MAST4: variants seen among roughly 807,000 people sequenced by gnomAD.
MAST4 encodes microtubule-associated serine/threonine-protein kinase 4.
In MAST4, 89 loss-of-function variants were observed where a neutral mutation model predicts 162.7. The observed-to-expected ratio is 0.55, with a 90% CI of 0.46 to 0.65. The LOEUF is 0.65. Among genes scored for constraint, MAST4 ranks in the 30% least tolerant of loss-of-function variants. The pLI is 0.00. For synonymous variants in MAST4, 1,479 were observed against 1,361.1 expected, an observed-to-expected ratio of 1.09 and a Z score of -1.91; for missense variants, 3,153 against 3,374.0, an observed-to-expected ratio of 0.93 and a Z score of 1.62.
intron 4 of MAST4, among the ~76,000 whole-genome samples, chr5:66,952,059 G>A (rs944534841): frequency 4.6e-5 from 7 of 152,070 alleles, no homozygotes; most frequent in African/African-American, 1.7e-4. Flanking sequence ...TTGTTCATGT[G>A]GAGCATATCC....
chr5:66,899,882 C>G, intron 3 of MAST4, 69 bp from the exon 4 acceptor site: 3 of 1,217,220 alleles, frequency 2.5e-6, no homozygotes, highest in Non-Finnish European at 3.4e-6. Context: ...TCTACGTTAT[C>G]CATTTGGTAT....
intron 4 of MAST4, among the ~76,000 whole-genome samples, chr5:66,951,824 T>C (rs1167375069): frequency 6.6e-6 from 1 of 152,196 alleles, no homozygotes. Context: ...GCACTTTCTA[T>C]GTTATCAAAC....
At chr5:66,921,197 G>T (rs1363253095) in intron 4 of MAST4, among the ~76,000 whole-genome samples, 1 of 152,116 alleles carries the variant, frequency 6.6e-6, no homozygotes, top group Non-Finnish European at 1.5e-5. Flanking sequence ...ATCAACTAAG[G>T]TTATGTTAGA....
At chr5:66,909,159 A>G (rs1184343723) in intron 4 of MAST4, among the ~76,000 whole-genome samples, 1 of 152,086 alleles carries the variant, frequency 6.6e-6, no homozygotes, top group African/African-American at 2.4e-5. Flanking sequence ...TTCCATTTCC[A>G]TGAAGAGGTG....
chr5:66,791,025 T>C (rs1274414962), intron 3 of MAST4, among the ~76,000 whole-genome samples: 1 of 152,184 alleles, frequency 6.6e-6, no homozygotes, highest in Non-Finnish European at 1.5e-5. Flanking sequence ...ATATATCTTC[T>C]TTTTGTTTGT....
rs531263386 is a variant in MAST4 at position 66,710,574 on chromosome 5, A to G, written c.364-49135A>G. ...TATTCTACTTTTGTTATATAAAATA[A>G]TAGGCTGATTTTTTGGGGGAAAAAT... On this transcript the variant is annotated intron_variant, in intron 1 of 28. Coordinates refer to ENST00000403625, the MANE Select transcript of MAST4 (RefSeq NM_001164664.2). Among the ~76,000 whole-genome samples, 6 of 152,296 alleles carry G rather than the reference A, an allele frequency of 3.9e-5. No homozygotes were observed. The East Asian group carries it at 9.6e-4, about 24-fold the overall frequency.
chr5:66,719,940 G>A lies in MAST4; in HGVS notation c.364-39769G>A, dbSNP rs573028753. 4.6e-5 allele frequency among the ~76,000 whole-genome samples: 7 copies of A among 152,278 alleles called. No individual in the cohort carries two copies. The South Asian group carries it at 6.2e-4, about 14-fold the overall frequency. ...TACCATTACCTCCTTTGAGGAGAGG[G>A]AAGAGTTATCCTTATAGAGAGTTAT... On this transcript the variant is annotated intron_variant, in intron 1 of 28. Coordinates refer to ENST00000403625, the MANE Select transcript of MAST4 (RefSeq NM_001164664.2).
intron 1 of MAST4, among the ~76,000 whole-genome samples, chr5:66,643,128 T>C (rs1317657707): frequency 6.6e-6 from 1 of 152,208 alleles, no homozygotes; most frequent in Admixed American, 6.5e-5. Flanking sequence ...TTGTCAGTTA[T>C]CTGACATTAT....
At chr5:67,120,439 C>G (rs1174307660) in intron 13 of MAST4, among the ~76,000 whole-genome samples, 2 of 152,152 alleles carry the variant, frequency 1.3e-5, no homozygotes, top group Non-Finnish European at 2.9e-5. Flanking sequence ...GCATTTTTTT[C>G]TATTCCCATC....
At chr5:67,094,534 G>C (rs1764218410) in intron 6 of MAST4, among the ~76,000 whole-genome samples, 1 of 152,074 alleles carries the variant, frequency 6.6e-6, no homozygotes, top group Non-Finnish European at 1.5e-5. Flanking sequence ...AAAATGCAAT[G>C]TTGCTTTTTT....
At chr5:66,913,671 C>T (rs1407758795) in intron 4 of MAST4, among the ~76,000 whole-genome samples, 2 of 152,146 alleles carry the variant, frequency 1.3e-5, no homozygotes, top group African/African-American at 4.8e-5. Context: ...TTAATTCGTT[C>T]TTTAAATGCT....
intron 1 of MAST4, among the ~76,000 whole-genome samples, chr5:66,677,035 G>A (rs1177686246): frequency 2.0e-5 from 3 of 152,148 alleles, no homozygotes; most frequent in African/African-American, 4.8e-5. Context: ...TTTGCAGCCT[G>A]CATGATCACC....
chr5:66,891,783 T>C lies in MAST4; in HGVS notation c.643-8168T>C, dbSNP rs80045644. On this transcript the variant is annotated intron_variant, in intron 3 of 28. Coordinates refer to ENST00000403625, the MANE Select transcript of MAST4 (RefSeq NM_001164664.2). ...GCAAAAGAAAGACCAGGCTCAAGTA[T>C]TGTGTCACTTAGGAATTTTTGAATT... 9.2e-5 allele frequency among the ~76,000 whole-genome samples: 14 copies of C among 152,356 alleles called. 1 individual carries two copies. In the East Asian group the frequency reaches 2.5e-3, roughly 27 times the overall value.
chr5:66,835,196 G>A (rs1757878290), intron 3 of MAST4, among the ~76,000 whole-genome samples: 1 of 152,144 alleles, frequency 6.6e-6, no homozygotes, highest in Admixed American at 6.5e-5. Context: ...CATCCATTAT[G>A]TTGTGCCCTG....
chr5:66,826,131 C>T (rs942668326), intron 3 of MAST4, among the ~76,000 whole-genome samples: 1 of 152,004 alleles, frequency 6.6e-6, no homozygotes, highest in Admixed American at 6.6e-5. Context: ...TTTTCAGCAG[C>T]CTTTCATTTT....
chr5:66,788,628 G>C (rs1406072105), intron 2 of MAST4, 42 bp from the exon 3 acceptor site: 3 of 713,072 alleles, frequency 4.2e-6, no homozygotes, highest in Non-Finnish European at 6.5e-6. Context: ...GACTACTACC[G>C]GCTGCCTGTC....
chr5:67,041,543 TA>T (rs765231680), intron 4 of MAST4, among the ~76,000 whole-genome samples: 16 of 152,254 alleles, frequency 1.1e-4, no homozygotes, highest in Non-Finnish European at 2.1e-4. Flanking sequence ...CCAAGATTTA[TA>T]AAGCACTTGC....
intron 1 of MAST4, among the ~76,000 whole-genome samples, chr5:66,732,676 C>T (rs1751927810): frequency 1.3e-5 from 2 of 152,182 alleles, no homozygotes; most frequent in African/African-American, 4.8e-5. Context: ...GATGCATACT[C>T]CATCTGCAAA....
At chr5:66,625,379 G>C (rs554630882) in intron 1 of MAST4, among the ~76,000 whole-genome samples, 13 of 152,146 alleles carry the variant, frequency 8.5e-5, no homozygotes, top group Non-Finnish European at 1.5e-4. Flanking sequence ...GTAAATGCTG[G>C]CCTGTTACCC....
Sources: allele counts gnomAD v4.1 joint callset (sites outside exome capture counted in the v4.1 genomes callset), GRCh38; gene constraint gnomAD v4.1.1; transcripts MANE v1.5; gene names NCBI Gene and HGNC (gene_info 2026-07-23, HGNC 2026-07-21).